TCF7L2: variants seen among roughly 807,000 people sequenced by gnomAD.
TCF7L2 encodes the protein transcription factor 7 like 2.
TCF7L2 carries 23 observed loss-of-function variants against 77.9 expected under a neutral mutation model. The ratio of observed to expected loss-of-function variants is 0.30; its 90% CI spans 0.21 to 0.42. TCF7L2 has a LOEUF of 0.42. Among genes scored for constraint, TCF7L2 ranks in the 10% least tolerant of loss-of-function variants. The pLI, the probability that TCF7L2 is intolerant of heterozygous loss-of-function variation, is 1.00. For synonymous variants in TCF7L2, 413 were observed against 340.2 expected (o/e 1.21, Z -2.36); for missense variants, 654 against 793.1 (o/e 0.82, Z 2.11).
intron 13 of TCF7L2, among the ~76,000 whole-genome samples, chr10:113,164,022 T>C (rs532209069): frequency 6.6e-6 from 1 of 152,244 alleles, no homozygotes; most frequent in Non-Finnish European, 1.5e-5. Flanking sequence ...GGCAGAAAGC[T>C]GGCCAGTGCT....
intron 5 of TCF7L2, among the ~76,000 whole-genome samples, chr10:113,065,366 T>C (rs1394045875): frequency 6.6e-6 from 1 of 152,262 alleles, no homozygotes; most frequent in Non-Finnish European, 1.5e-5. Context: ...CAGTTGCAGA[T>C]GGAGACTTTG....
rs1554877072 is a variant in TCF7L2, at chr10:112,966,210, A to ATATATATATATATATATT, written c.450+1587_450+1588insATATATATATATATATTT. On this transcript the variant is annotated intron_variant, in intron 4 of 13. Coordinates refer to ENST00000627217, the MANE Select transcript of TCF7L2 (RefSeq NM_001146274.2). ...TATATATATATATATATATATATATATTTTCTTTTCTTGATTACTTCTGCA... is the reference window on the plus strand; with the variant it reads ...TATATATATATATATATATATATATATATATATATATATATATTTTTTCTTTTCTTGATTACTTCTGCA... Among the ~76,000 whole-genome samples, 7 of 108,634 alleles carry ATATATATATATATATATT rather than the reference A, an allele frequency of 6.4e-5. No homozygotes were observed. The South Asian group carries it at 1.7e-3, about 26-fold the overall frequency. The allele number at this position is 108,634 out of a possible 152,430, so 71.3% of individuals were successfully genotyped here.
chr10:113,108,445 TG>T (rs1198207683), intron 5 of TCF7L2, among the ~76,000 whole-genome samples: 1 of 146,170 alleles, frequency 6.8e-6, no homozygotes, highest in Non-Finnish European at 1.5e-5. Context: ...GGGGCCATTG[TG>T]GGGGGGAGGG....
At chr10:113,018,444 CTTTTTTTTTTTTT>C (rs35916053) in intron 4 of TCF7L2, among the ~76,000 whole-genome samples, 6 of 92,554 alleles carry the variant, frequency 6.5e-5, no homozygotes, top group South Asian at 4.5e-4. Flanking sequence ...CTCCTGAGTC[CTTTTTTTTTTTTT>C]TTTTTTTTTT....
chr10:113,092,150 T>G (rs150756118), intron 5 of TCF7L2, among the ~76,000 whole-genome samples: 35 of 152,342 alleles, frequency 2.3e-4, no homozygotes, highest in African/African-American at 6.0e-4. Flanking sequence ...ACTCAAGGTC[T>G]ACAGGAGCTG....
At chr10:113,128,117 G>C (rs2065961400) in intron 5 of TCF7L2, among the ~76,000 whole-genome samples, 1 of 151,990 alleles carries the variant, frequency 6.6e-6, no homozygotes, top group African/African-American at 2.4e-5. Context: ...CTGTGTGGTT[G>C]GGGCTTTTTA....
rs538112921 is a variant in TCF7L2, at chr10:113,112,806, G to T, written c.553-28378G>T. On this transcript the variant is annotated intron_variant, in intron 5 of 13. Transcript: ENST00000627217. The stretch of plus-strand genomic sequence containing the variant: ...TCTTTCTCCAGAGGCAAGCAATATT[G>T]TGTTTTAAGCTTATGAGGCAATCAT... 5.3e-5 allele frequency among the ~76,000 whole-genome samples: 8 copies of T among 152,324 alleles called. No individual in the cohort carries two copies. In the South Asian group the frequency reaches 1.7e-3, roughly 32 times the overall value.
chr10:113,068,400 GC>G (rs1243968142), intron 5 of TCF7L2, among the ~76,000 whole-genome samples: 2 of 152,228 alleles, frequency 1.3e-5, no homozygotes, highest in Non-Finnish European at 2.9e-5. Flanking sequence ...TTACCCAGAA[GC>G]CCTCGTGAGC....
intron 5 of TCF7L2, among the ~76,000 whole-genome samples, chr10:113,063,017 C>T (rs1353020694): frequency 6.6e-6 from 1 of 152,148 alleles, no homozygotes; most frequent in South Asian, 2.1e-4. Context: ...AAGCAATGCA[C>T]GGAATGAATT....
chr10:113,065,173 A>G (rs1274488466), intron 5 of TCF7L2, among the ~76,000 whole-genome samples: 1 of 152,252 alleles, frequency 6.6e-6, no homozygotes, highest in Non-Finnish European at 1.5e-5. Context: ...CCTAGTACCC[A>G]GTGCAGGCAA....
At chr10:112,951,679 C>A in intron 3 of TCF7L2, 72 bp downstream of exon 3, 1 of 907,830 alleles carries the variant, frequency 1.1e-6, no homozygotes, top group Non-Finnish European at 1.3e-6. Flanking sequence ...CCGCATGCGG[C>A]CCCTGCCCTG....
chr10:113,119,335 A>T (rs1053733139), intron 5 of TCF7L2, among the ~76,000 whole-genome samples: 1 of 152,140 alleles, frequency 6.6e-6, no homozygotes, highest in Non-Finnish European at 1.5e-5. Flanking sequence ...GCTGCGGACC[A>T]CGCCAGGCCC....
chr10:112,991,855 C>G (rs555270599), intron 4 of TCF7L2, among the ~76,000 whole-genome samples: 158 of 152,282 alleles, frequency 1.0e-3, no homozygotes, highest in African/African-American at 3.7e-3. Context: ...GATTCTGCCT[C>G]TGATTCCTGA....
chr10:113,081,303 G>T (rs914953691), intron 5 of TCF7L2, among the ~76,000 whole-genome samples: 1 of 152,194 alleles, frequency 6.6e-6, no homozygotes. Flanking sequence ...CACACAACAC[G>T]CACCAATACT....
In TCF7L2 at chr10:113,129,575, T is replaced by C. The variant is rs901615462; in HGVS notation, c.553-11609T>C. 1.0e-5 allele frequency: 10 copies of C among 1,003,122 alleles called. No homozygotes were observed. In the East Asian group the frequency reaches 6.6e-4, roughly 67 times the overall value. 62.1% of individuals were successfully genotyped at this position (1,003,122 alleles called of 1,614,324 possible). A position where few individuals can be genotyped will look rare whatever the true frequency, so the allele number is the denominator to read the frequency against. ...TTTTTGTTTTTTATTTTTAAGATTT[T>C]TTTAGGGATGTGTGTACAGGGGGAA... On this transcript the variant is annotated intron_variant, in intron 5 of 13. Transcript: ENST00000627217.
chr10:113,052,486 A>C lies in TCF7L2; in HGVS notation c.552+12360A>C, dbSNP rs548665128. Among the ~76,000 whole-genome samples, 3 of 152,334 alleles carry C rather than the reference A, an allele frequency of 2.0e-5. No homozygotes were observed. In the South Asian group the frequency reaches 6.2e-4, roughly 32 times the overall value. On this transcript the variant is annotated intron_variant, in intron 5 of 13. Transcript: ENST00000627217. The stretch of plus-strand genomic sequence containing the variant: ...TGTCCATTTAGATGTCCTGGTGAAC[A>C]AAAGTTCTCTGACTCACCATTTAAA...
chr10:113,073,924 A>T (rs1221325686), intron 5 of TCF7L2, among the ~76,000 whole-genome samples: 1 of 152,152 alleles, frequency 6.6e-6, no homozygotes, highest in East Asian at 1.9e-4. Flanking sequence ...ATGATACGTT[A>T]TAGCATTTCT....
chr10:113,133,813 C>T (rs186158503), intron 5 of TCF7L2, among the ~76,000 whole-genome samples: 1 of 152,234 alleles, frequency 6.6e-6, no homozygotes, highest in East Asian at 1.9e-4. Flanking sequence ...AAATAAAAGC[C>T]AGCTATTGAT....
At chr10:112,985,119 C>T (rs1156354313) in intron 4 of TCF7L2, among the ~76,000 whole-genome samples, 1 of 152,134 alleles carries the variant, frequency 6.6e-6, no homozygotes, top group Non-Finnish European at 1.5e-5. Context: ...GAAAGAGCAA[C>T]GGTGATTACT....
Sources: allele counts gnomAD v4.1 joint callset (sites outside exome capture counted in the v4.1 genomes callset), GRCh38; gene constraint gnomAD v4.1.1; transcripts MANE v1.5; gene names NCBI Gene and HGNC (gene_info 2026-07-23, HGNC 2026-07-21).